DIABLO: variants seen among roughly 807,000 people sequenced by gnomAD.
DIABLO encodes diablo IAP-binding mitochondrial protein.
A neutral mutation model predicts 31.7 loss-of-function variants in DIABLO; 32 were observed. The observed-to-expected ratio is 1.01, with a 90% CI of 0.76 to 1.35. DIABLO has a LOEUF of 1.35. DIABLO is among the 40% of genes most tolerant of loss of function. The pLI is 0.00. For missense variants in DIABLO, 316 were observed against 286.4 expected (o/e 1.10, Z -0.75); for synonymous variants, 132 against 103.2 (o/e 1.28, Z -1.69).
downstream of DIABLO, chr12:122,207,665 G>C (rs557732028): frequency 2.2e-5 from 14 of 637,996 alleles, no homozygotes; most frequent in Admixed American, 6.3e-5. Flanking sequence ...GGCTGCATAG[G>C]ACCCCAGGAG....
chr12:122,208,597 T>G lies in DIABLO; in HGVS notation c.524-20A>C, dbSNP rs535135642. On this transcript the variant is annotated intron_variant, in intron 5 of 5. Coordinates refer to ENST00000464942, the MANE Select transcript of DIABLO (RefSeq NM_001371333.1). ...CTGCGCCTGCCAAAAGATGGGACAA[T>G]CGGGTTGAGCAGCCGTGCAGGGCGC... 52 of 1,609,672 alleles carry G rather than the reference T, an allele frequency of 3.2e-5. No homozygotes were observed. The East Asian group carries it at 6.5e-4, about 20-fold the overall frequency.
At position 122,224,509 on chromosome 12, in the gene DIABLO, T is replaced by C; in HGVS notation, c.183+3A>G. The C allele has an allele frequency of 1.2e-6, 2 of 1,613,756 alleles. No individual in the cohort carries two copies. The highest frequency in any genetic ancestry group is 1.7e-6 in the Non-Finnish European group (2 of 1,179,962). ...AGATAAGAATCACTGCACACGACAG[T>C]ACCTGTGCAATAGGAACCGCACACA... is the stretch of plus-strand genomic sequence containing the variant. On this transcript the variant is annotated splice_donor_region_variant and intron_variant, in intron 2 of 5. Coordinates refer to ENST00000464942, the MANE Select transcript of DIABLO (RefSeq NM_001371333.1).
At chr12:122,208,929 T>G in intron 5 of DIABLO, 1 of 377,326 alleles carries the variant, frequency 2.7e-6, no homozygotes, top group Non-Finnish European at 5.1e-6. Flanking sequence ...AGATCATGAA[T>G]AAAATTGTCA....
In DIABLO at chr12:122,223,962, G is replaced by A. The variant is rs141947924; in HGVS notation, c.183+550C>T. Among the ~76,000 whole-genome samples, 304 of 152,036 alleles carry A rather than the reference G, an allele frequency of 2.0e-3. 2 individuals carry two copies. The highest frequency in any genetic ancestry group is 0.01 in the Middle Eastern group (3 of 294). Reference sequence around the variant, plus strand: ...ACTAGAAGTGTGAGCCACCACACCCGGCTAAATTTTTCTGTTTTGTAGAGA... The same window carrying A: ...ACTAGAAGTGTGAGCCACCACACCCAGCTAAATTTTTCTGTTTTGTAGAGA... On this transcript the variant is annotated intron_variant, in intron 2 of 5. Transcript: ENST00000464942.
intron 5 of DIABLO, among the ~76,000 whole-genome samples, chr12:122,210,524 C>T (rs1176468925): frequency 2.6e-5 from 4 of 151,886 alleles, no homozygotes; most frequent in Admixed American, 2.6e-4. Flanking sequence ...AGGTGCCCAC[C>T]ACCATGCCTA....
chr12:122,208,800 G>C (rs776122803), intron 5 of DIABLO: 1 of 650,026 alleles, frequency 1.5e-6, no homozygotes, highest in African/African-American at 1.8e-5. Context: ...AGCTGTCAGC[G>C]GCCAACATCA....
chr12:122,207,971 G>A lies in DIABLO; in HGVS notation c.*410C>T, dbSNP rs1182901882. On this transcript the variant is annotated 3_prime_UTR_variant, in exon 6 of 6. Transcript: ENST00000464942. ...AGGTTCCCCTCCCCCTGCCACAACT[G>A]GCATCCCAACAGAGGGAACAAGTAC... The A allele has an allele frequency of 2.1e-6, 1 of 468,214 alleles. No individual in the cohort carries two copies. The highest frequency in any genetic ancestry group is 1.5e-5 in the South Asian group (1 of 64,612). The allele number at this position is 468,214 out of a possible 1,614,324, so 29.0% of individuals were successfully genotyped here.
chr12:122,221,801 A>C (rs1954340047), intron 2 of DIABLO: 1 of 152,198 alleles, frequency 6.6e-6, no homozygotes, highest in Non-Finnish European at 1.5e-5. Context: ...CTTAGAAAGT[A>C]ATATAATAAC....
upstream of DIABLO, chr12:122,226,231 G>T (rs774914935): frequency 3.8e-5 from 30 of 782,990 alleles, 1 homozygote; most frequent in South Asian, 4.0e-4. Flanking sequence ...ACTTCCGCGC[G>T]GGGCGGGGCA....
Position 122,216,881 on chromosome 12 carries a change from G to T in DIABLO, c.316-12C>A. ...AAGGTATAAACAGCCTACAAATAGA[G>T]AATGAACAAGTCTGAGTAAAGTAAG... On this transcript the variant is annotated splice_polypyrimidine_tract_variant and intron_variant, in intron 3 of 5. Coordinates refer to ENST00000464942, the MANE Select transcript of DIABLO (RefSeq NM_001371333.1). 1 of 1,598,994 alleles carries T rather than the reference G, an allele frequency of 6.3e-7. No individual in the cohort carries two copies. The highest frequency in any genetic ancestry group is 8.6e-7 in the Non-Finnish European group (1 of 1,166,798).
chr12:122,217,691 A>AT (rs143647793), intron 3 of DIABLO: 102 of 156,078 alleles, frequency 6.5e-4, no homozygotes, highest in Admixed American at 4.3e-3. Flanking sequence ...TAAGTTTAAA[A>AT]TTTTTTTTCT....
chr12:122,225,729 G>C (rs2136110778), intron 1 of DIABLO: 2 of 1,427,326 alleles, frequency 1.4e-6, no homozygotes, highest in Non-Finnish European at 9.1e-7. Context: ...AGGCAGCCCG[G>C]GGTCTCGGGG....
intron 4 of DIABLO, 80 bp from the exon 5 acceptor site, chr12:122,216,664 G>A (rs1298604598): frequency 1.3e-6 from 2 of 1,547,180 alleles, no homozygotes; most frequent in Non-Finnish European, 8.9e-7. Context: ...TAGATTTAGA[G>A]AACACTGATT....
At chr12:122,210,530 G>A (rs747986352) in intron 5 of DIABLO, among the ~76,000 whole-genome samples, 2 of 151,726 alleles carry the variant, frequency 1.3e-5, no homozygotes, top group Non-Finnish European at 2.9e-5. Context: ...CCACCACCAT[G>A]CCTAATTTAT....
intron 5 of DIABLO, among the ~76,000 whole-genome samples, chr12:122,213,527 C>T (rs958499948): frequency 1.9e-4 from 23 of 123,526 alleles, no homozygotes; most frequent in African/African-American, 6.7e-4. Context: ...AAAAAAATTC[C>T]GTTTACAACT....
chr12:122,211,077 TAAAAAAAAAAAAAAAAAAA>T lies in DIABLO; in HGVS notation c.524-2519_524-2501del, dbSNP rs1156571584. Among the ~76,000 whole-genome samples the T allele has an allele frequency of 3.3e-3, 47 of 14,344 alleles. 1 individual carries two copies. The South Asian group carries it at 0.061, about 18-fold the overall frequency. 9.4% of individuals were successfully genotyped at this position (14,344 alleles called of 152,430 possible). A position where few individuals can be genotyped will look rare whatever the true frequency, so the allele number is the denominator to read the frequency against. On this transcript the variant is annotated intron_variant, in intron 5 of 5. Coordinates refer to ENST00000464942, the MANE Select transcript of DIABLO (RefSeq NM_001371333.1). ...TGATTTTCCTTTGTTTAGTTAAAAG[TAAAAAAAAAAAAAAAAAAA>T]AAAAAAAAAAAAAAAAATCACAGAC...
At chr12:122,217,052 C>G (rs1244526751) in intron 3 of DIABLO, 183 bp from the exon 4 acceptor site, 1 of 566,102 alleles carries the variant, frequency 1.8e-6, no homozygotes, top group East Asian at 3.1e-5. Context: ...GTATCTCCAT[C>G]TGTAAACTTC....
rs111670055 is a variant in DIABLO at position 122,224,299 on chromosome 12, CT to C, written c.183+212del. 1.8e-3 allele frequency among the ~76,000 whole-genome samples: 271 copies of C among 152,184 alleles called. 4 individuals are homozygous for C. In the East Asian group the frequency reaches 0.041, roughly 23 times the overall value. ...ATATCCTCTTATTTCTCTCTACTCG[CT>C]TTATACAATTTGATGTGCTGTTCCT... On this transcript the variant is annotated intron_variant, in intron 2 of 5. Transcript: ENST00000464942.
Position 122,216,823 on chromosome 12 carries a change from A to G in DIABLO, c.362T>C (p.Leu121Pro). 1.2e-6 allele frequency: 2 copies of G among 1,614,188 alleles called. No homozygotes were observed. The highest frequency in any genetic ancestry group is 8.5e-7 in the Non-Finnish European group (1 of 1,180,030). The change falls in exon 4 of 6, where the codon CTT (leucine) becomes CCT (proline). Residue 121 changes from leucine (L) to proline (P), a missense_variant. Physicochemically the swap from Leu to Pro is moderately conservative, Grantham distance 98. Transcript: ENST00000464942. ...TSLYRQYTSL[L>P]GKMNSEEEDE... is the part of the protein sequence containing the mutation. Reference sequence around the variant, plus strand: ...TTCCTCCTCTGAATTCATTTTCCCAAGTAAACTTGTATATTGTCGGTAAAG... The same window carrying G: ...TTCCTCCTCTGAATTCATTTTCCCAGGTAAACTTGTATATTGTCGGTAAAG...
Sources: allele counts gnomAD v4.1 joint callset (sites outside exome capture counted in the v4.1 genomes callset), GRCh38; gene constraint gnomAD v4.1.1; transcripts MANE v1.5; gene names NCBI Gene and HGNC (gene_info 2026-07-23, HGNC 2026-07-21).